The following FYB1 variants were observed in gnomAD, a reference collection of about 807,000 sequenced individuals.
The protein encoded by FYB1 is FYN-binding protein 1.
A neutral mutation model predicts 94.1 loss-of-function variants in FYB1; 41 were observed. The ratio of observed to expected loss-of-function variants is 0.44; its 90% CI spans 0.34 to 0.57. The LOEUF is 0.57. Among genes scored for constraint, FYB1 ranks in the 20% least tolerant of loss-of-function variants. The pLI, the probability that FYB1 is intolerant of heterozygous loss-of-function variation, is 0.02. For missense variants in FYB1, 1,050 were observed against 976.8 expected, an observed-to-expected ratio of 1.07 and a Z score of -1.00; for synonymous variants, 367 against 353.2, an observed-to-expected ratio of 1.04 and a Z score of -0.44.
At chr5:39,121,183 CAAAAAA>C (rs56376626) in intron 14 of FYB1, among the ~76,000 whole-genome samples, 1 of 57,668 alleles carries the variant, frequency 1.7e-5, no homozygotes, top group Non-Finnish European at 3.3e-5. Flanking sequence ...TAATGTAAAG[CAAAAAA>C]AAAAAAAAAA....
intron 10 of FYB1, 85 bp from the exon 11 acceptor site, chr5:39,127,892 C>T (rs1301148743): frequency 1.6e-6 from 2 of 1,232,352 alleles, no homozygotes; most frequent in Non-Finnish European, 2.2e-6. Flanking sequence ...GTAAATCTTC[C>T]TTATTTAACT....
At chr5:39,265,746 T>C (rs1167210233) in intron 1 of FYB1, among the ~76,000 whole-genome samples, 1 of 152,190 alleles carries the variant, frequency 6.6e-6, no homozygotes, top group African/African-American at 2.4e-5. Context: ...TGCTAAAGTT[T>C]GAGAACCACT....
intron 1 of FYB1, among the ~76,000 whole-genome samples, chr5:39,269,976 T>C (rs1009154891): frequency 1.3e-5 from 2 of 152,282 alleles, no homozygotes; most frequent in African/African-American, 2.4e-5. Flanking sequence ...AGCTATGTTA[T>C]GGGTTAAAGT....
At chr5:39,219,690 G>A (rs1750144438), upstream of FYB1, 1 of 683,872 alleles carries the variant, frequency 1.5e-6, no homozygotes, top group Non-Finnish European at 1.8e-6. Context: ...TGAGTAATAA[G>A]GAGGAGAAAG....
intron 1 of FYB1, among the ~76,000 whole-genome samples, chr5:39,214,827 G>A (rs1749714080): frequency 6.6e-6 from 1 of 152,172 alleles, no homozygotes. Flanking sequence ...TACTTGGGAG[G>A]CTGAGGCAGG....
rs902233660 is a variant in FYB1 at position 39,119,748 on chromosome 5, CTT to C, written c.2139-116_2139-115del. On this transcript the variant is annotated intron_variant, in intron 14 of 18. Coordinates refer to ENST00000512982, the MANE Select transcript of FYB1 (RefSeq NM_001465.6). ...TTTTAACTTTTTGTTTCAGTTAATT[CTT>C]TTTGTTAGAAATCCAGTAACTGTCA... is the stretch of plus-strand genomic sequence containing the variant. 7.3e-6 allele frequency: 9 copies of C among 1,234,072 alleles called. No individual in the cohort carries two copies. In the Admixed American group the frequency reaches 3.6e-4, roughly 49 times the overall value. 76.4% of individuals were successfully genotyped at this position (1,234,072 alleles called of 1,614,324 possible). A position where few individuals can be genotyped will look rare whatever the true frequency, so the allele number is the denominator to read the frequency against.
chr5:39,239,169 A>G (rs1342741107), intron 1 of FYB1, among the ~76,000 whole-genome samples: 2 of 152,164 alleles, frequency 1.3e-5, no homozygotes, highest in East Asian at 1.9e-4. Context: ...CTTCAAAATA[A>G]TAAGCGGCAT....
chr5:39,220,172 G>C (rs983391797), upstream of FYB1, among the ~76,000 whole-genome samples: 1 of 152,114 alleles, frequency 6.6e-6, no homozygotes, highest in Non-Finnish European at 1.5e-5. Context: ...ACTTTGGAAG[G>C]CTGAGGCAGG....
chr5:39,254,357 G>A (rs1465633921), intron 1 of FYB1, among the ~76,000 whole-genome samples: 2 of 152,170 alleles, frequency 1.3e-5, no homozygotes, highest in Admixed American at 1.3e-4. Flanking sequence ...GCCAGCATCT[G>A]TTATTTTTTG....
rs151079639 is a variant in FYB1, at chr5:39,206,359, C to G, written c.-27-3372G>C. Among the ~76,000 whole-genome samples the G allele has an allele frequency of 2.6e-3, 399 of 152,272 alleles. 2 individuals are homozygous for G. The highest frequency in any genetic ancestry group is 9.4e-3 in the African/African-American group (392 of 41,536). ...TTTAGTAGATAAAATGTTCAACACCCAGACTCACCCTTAATCGTAACAATA... is the reference window on the plus strand; with the variant it reads ...TTTAGTAGATAAAATGTTCAACACCGAGACTCACCCTTAATCGTAACAATA... On this transcript the variant is annotated intron_variant, in intron 1 of 18. Coordinates refer to ENST00000512982, the MANE Select transcript of FYB1 (RefSeq NM_001465.6).
intron 8 of FYB1, among the ~76,000 whole-genome samples, chr5:39,134,650 T>C (rs866168439): frequency 6.6e-6 from 1 of 152,180 alleles, no homozygotes; most frequent in Non-Finnish European, 1.5e-5. Flanking sequence ...CCTGGAATAA[T>C]ATAAAACTGT....
At chr5:39,260,521 A>G (rs1561315285) in intron 1 of FYB1, among the ~76,000 whole-genome samples, 1 of 152,206 alleles carries the variant, frequency 6.6e-6, no homozygotes, top group African/African-American at 2.4e-5. Context: ...TGTGAAGCAT[A>G]GTAAAAGCTC....
intron 7 of FYB1, 90 bp from the exon 8 acceptor site, chr5:39,135,104 C>T: frequency 7.2e-7 from 1 of 1,385,160 alleles, no homozygotes; most frequent in East Asian, 2.3e-5. Context: ...AAGTCTACAA[C>T]TTGCTAAGCT....
At position 39,202,646 on chromosome 5, in the gene FYB1, C is replaced by T. The variant is rs745584635; in HGVS notation, c.315G>A (p.Ala105=). The part of the protein sequence containing the change: ...PASLTTRDPE[A]KVGFLKPVGP... ...CTACAGGTTTCAGAAATCCCACTTT[C>T]GCCTCGGGGTCTCTGGTGGTCAAGC... Residue 105 remains alanine (A), a synonymous_variant, in exon 2 of 19, where the codon GCG becomes GCA. Transcript: ENST00000512982. The T allele has an allele frequency of 2.3e-5, 37 of 1,613,706 alleles. No individual in the cohort carries two copies. The highest frequency in any genetic ancestry group is 1.6e-4 in the Middle Eastern group (1 of 6,084).
Position 39,137,657 on chromosome 5 carries a change from C to A in FYB1, c.1458G>T (p.Glu486Asp). 1 of 1,535,736 alleles carries A rather than the reference C, an allele frequency of 6.5e-7. No homozygotes were observed. Among genetic ancestry groups the A allele is most frequent in the Non-Finnish European group, 8.8e-7 (1 of 1,133,186 alleles). ...EKEEKKRLELEKKEQKEKEKK... is the reference protein window; with the variant it reads ...EKEEKKRLELDKKEQKEKEKK... ...TTTCTTTCTCTTTCTGTTCCTTTTT[C>A]TCCAGCTCTAACCTCTTCTTTTCTT... Residue 486 changes from glutamate to aspartate, a missense_variant, in exon 7 of 19, where the codon GAG (glutamate) becomes GAT (aspartate). By Grantham distance (45) the Glu-to-Asp change is conservative. Coordinates refer to ENST00000512982, the MANE Select transcript of FYB1 (RefSeq NM_001465.6).
chr5:39,233,993 T>C (rs1750853862), intron 1 of FYB1, among the ~76,000 whole-genome samples: 1 of 152,192 alleles, frequency 6.6e-6, no homozygotes, highest in South Asian at 2.1e-4. Flanking sequence ...TGAGAACCAC[T>C]GCTCTGGCCT....
In FYB1 at chr5:39,207,308, T is replaced by C. The variant is rs143136321; in HGVS notation, c.-27-4321A>G. The stretch of plus-strand genomic sequence containing the variant: ...TTGCTCACAAACACAGATTTAATAG[T>C]AGAAAATCTCTTCATAGAAATTAAT... On this transcript the variant is annotated intron_variant, in intron 1 of 18. Coordinates refer to ENST00000512982, the MANE Select transcript of FYB1 (RefSeq NM_001465.6). Among the ~76,000 whole-genome samples, 219 of 152,348 alleles carry C rather than the reference T, an allele frequency of 1.4e-3. 3 individuals are homozygous for C. Among genetic ancestry groups the C allele is most frequent in the Non-Finnish European group, 2.1e-3 (140 of 68,020 alleles).
chr5:39,110,419 C>T, intron 16 of FYB1, 30 bp from the exon 17 acceptor site: 2 of 1,479,458 alleles, frequency 1.4e-6, no homozygotes, highest in Non-Finnish European at 1.9e-6. Flanking sequence ...TAAATTGTAT[C>T]AATAATACAG....
At chr5:39,190,980 A>G (rs930614182) in intron 2 of FYB1, among the ~76,000 whole-genome samples, 6 of 152,202 alleles carry the variant, frequency 3.9e-5, no homozygotes, top group African/African-American at 1.4e-4. Context: ...GAGAAATAGG[A>G]AGTACTGCAG....
Sources: allele counts gnomAD v4.1 joint callset (sites outside exome capture counted in the v4.1 genomes callset), GRCh38; gene constraint gnomAD v4.1.1; transcripts MANE v1.5; gene names NCBI Gene and HGNC (gene_info 2026-07-23, HGNC 2026-07-21).